CHRNA9: variants seen among roughly 807,000 people sequenced by gnomAD.
CHRNA9 encodes the protein neuronal acetylcholine receptor subunit alpha-9.
A neutral mutation model predicts 36.8 loss-of-function variants in CHRNA9; 24 were observed. The ratio of observed to expected loss-of-function variants is 0.65; its 90% confidence interval spans 0.47 to 0.92. The LOEUF (loss-of-function observed/expected upper bound fraction) is 0.92. CHRNA9 is among the 40% of genes least tolerant of loss of function. The pLI is 0.00. For missense variants in CHRNA9, 610 were observed against 601.2 expected, an observed-to-expected ratio of 1.01 and a Z score of -0.15; for synonymous variants, 231 against 231.8, an observed-to-expected ratio of 1.00 and a Z score of 0.03.
chr4:40,343,592 A>G (rs1373780034), intron 3 of CHRNA9, among the ~76,000 whole-genome samples: 2 of 152,236 alleles, frequency 1.3e-5, no homozygotes, highest in African/African-American at 4.8e-5. Flanking sequence ...GACACAGCCA[A>G]ACCATATCAC....
At chr4:40,341,852 C>T (rs565391105) in intron 3 of CHRNA9, among the ~76,000 whole-genome samples, 7 of 152,380 alleles carry the variant, frequency 4.6e-5, no homozygotes, top group Admixed American at 3.9e-4. Context: ...GATCCTCTCA[C>T]TTCAGTCTCC....
At chr4:40,345,280 G>A (rs978542374) in intron 3 of CHRNA9, among the ~76,000 whole-genome samples, 3 of 152,152 alleles carry the variant, frequency 2.0e-5, no homozygotes, top group African/African-American at 2.4e-5. Flanking sequence ...GGCTGGGCGC[G>A]GTGGCTTGTA....
At chr4:40,348,733 T>C (rs1712705061) in intron 3 of CHRNA9, 149 bp from the exon 4 acceptor site, 1 of 686,946 alleles carries the variant, frequency 1.5e-6, no homozygotes, top group Non-Finnish European at 2.4e-6. Context: ...CAAATTAGAG[T>C]TGATTCCAGA....
At position 40,347,762 on chromosome 4, in the gene CHRNA9, C is replaced by T. The variant is rs1712674586; in HGVS notation, c.366-1120C>T. On this transcript the variant is annotated intron_variant, in intron 3 of 4. Coordinates refer to ENST00000310169, the MANE Select transcript of CHRNA9 (RefSeq NM_017581.4). ...TTTATTAAGATTTCACCAGCTTTTC[C>T]ATGAATGTACTTTTTCTGTTCCAGG... 3 of 152,152 alleles carry T rather than the reference C, an allele frequency of 2.0e-5. No individual in the cohort carries two copies. In the South Asian group the frequency reaches 6.2e-4, roughly 31 times the overall value. The allele number at this position is 152,152 out of a possible 1,614,324, so 9.4% of individuals were successfully genotyped here. A position where few individuals can be genotyped will look rare whatever the true frequency, so the allele number is the denominator to read the frequency against.
At chr4:40,342,495 TTAG>T (rs1262650029) in intron 3 of CHRNA9, among the ~76,000 whole-genome samples, 1 of 151,956 alleles carries the variant, frequency 6.6e-6, no homozygotes, top group East Asian at 1.9e-4. Context: ...AAACTTAGAA[TTAG>T]TAGTTAAAGA....
rs755639071 is a variant in CHRNA9, at chr4:40,348,868, T to C, written c.366-14T>C. On this transcript the variant is annotated splice_polypyrimidine_tract_variant and intron_variant, in intron 3 of 4. Transcript: ENST00000310169. ...CCTAGCATGCGGCTTTCATTTTCCT[T>C]ATCTGACCTTCAGGGCTGATGATGA... The C allele has an allele frequency of 1.1e-5, 18 of 1,606,642 alleles. No homozygotes were observed. The highest frequency in any genetic ancestry group is 1.5e-5 in the Non-Finnish European group (18 of 1,173,836).
chr4:40,338,769 C>T (rs1712399751), intron 3 of CHRNA9, among the ~76,000 whole-genome samples: 1 of 152,040 alleles, frequency 6.6e-6, no homozygotes, highest in Non-Finnish European at 1.5e-5. Context: ...AGGAATATAA[C>T]AGGAAGATAA....
intron 4 of CHRNA9, among the ~76,000 whole-genome samples, chr4:40,352,829 A>G (rs1286296843): frequency 6.6e-6 from 1 of 152,212 alleles, no homozygotes; most frequent in Admixed American, 6.5e-5. Context: ...CTTACCTAAT[A>G]GAATTGGCTT....
In CHRNA9 at chr4:40,335,697, A is replaced by G. The variant is rs555695109; in HGVS notation, c.65-130A>G. 64 of 1,052,372 alleles carry G rather than the reference A, an allele frequency of 6.1e-5. No homozygotes were observed. The East Asian group carries it at 1.5e-3, about 25-fold the overall frequency. The allele number at this position is 1,052,372 out of a possible 1,614,324, so 65.2% of individuals were successfully genotyped here. Reference sequence around the variant, plus strand: ...GTAGGGCATGCCAGAAAAACAACTCATCCATCCACCCAAAGCTTGTCCCTC... The same window carrying G: ...GTAGGGCATGCCAGAAAAACAACTCGTCCATCCACCCAAAGCTTGTCCCTC... On this transcript the variant is annotated intron_variant, in intron 1 of 4. Coordinates refer to ENST00000310169, the MANE Select transcript of CHRNA9 (RefSeq NM_017581.4).
chr4:40,351,844 T>C (rs868295739), intron 4 of CHRNA9, among the ~76,000 whole-genome samples: 1 of 152,236 alleles, frequency 6.6e-6, no homozygotes, highest in Non-Finnish European at 1.5e-5. Context: ...TTATGATACA[T>C]TATCCTTTTA....
intron 2 of CHRNA9, 53 bp from the exon 3 acceptor site, chr4:40,337,157 G>C (rs1169830637): frequency 2.5e-6 from 4 of 1,569,438 alleles, no homozygotes; most frequent in Non-Finnish European, 3.5e-6. Context: ...CCTATCAGTG[G>C]AAAACATTTC....
chr4:40,352,761 A>G (rs542024103), intron 4 of CHRNA9, among the ~76,000 whole-genome samples: 1 of 152,096 alleles, frequency 6.6e-6, no homozygotes, highest in East Asian at 1.9e-4. Flanking sequence ...TCACTTTTTC[A>G]TCAACATGTG....
intron 2 of CHRNA9, among the ~76,000 whole-genome samples, chr4:40,336,252 G>A (rs959003170): frequency 9.2e-5 from 14 of 152,216 alleles, no homozygotes; most frequent in African/African-American, 3.4e-4. Flanking sequence ...ATGTCCAAAA[G>A]AGGTAAATCC....
intron 3 of CHRNA9, among the ~76,000 whole-genome samples, chr4:40,340,742 A>G (rs1314622403): frequency 6.6e-6 from 1 of 152,124 alleles, no homozygotes; most frequent in African/African-American, 2.4e-5. Flanking sequence ...GCCCAAATCC[A>G]TGGGGCTAGA....
chr4:40,347,808 T>A (rs1712676011), intron 3 of CHRNA9: 1 of 152,230 alleles, frequency 6.6e-6, no homozygotes, highest in Non-Finnish European at 1.5e-5. Context: ...GAATACCACA[T>A]TATATTTAGC....
At chr4:40,337,660 C>T (rs552815239) in intron 3 of CHRNA9, among the ~76,000 whole-genome samples, 2 of 152,162 alleles carry the variant, frequency 1.3e-5, no homozygotes, top group East Asian at 1.9e-4. Context: ...GATTAGATGA[C>T]TTAACAAAAA....
chr4:40,336,032 T>C, intron 2 of CHRNA9, 60 bp downstream of exon 2: 3 of 1,413,232 alleles, frequency 2.1e-6, no homozygotes, highest in Non-Finnish European at 3.0e-6. Flanking sequence ...CAACCATGCT[T>C]TCTGAAGAGA....
chr4:40,335,734 G>A (rs1712296730), intron 1 of CHRNA9, 93 bp from the exon 2 acceptor site: 1 of 1,304,846 alleles, frequency 7.7e-7, no homozygotes. Flanking sequence ...CCAGTGTTGG[G>A]CCATCCCCCA....
At chr4:40,342,919 C>T (rs1322538474) in intron 3 of CHRNA9, among the ~76,000 whole-genome samples, 1 of 151,684 alleles carries the variant, frequency 6.6e-6, no homozygotes, top group Non-Finnish European at 1.5e-5. Flanking sequence ...GGGAAGTTAG[C>T]CAGGAAGAGA....
Sources: allele counts gnomAD v4.1 joint callset (sites outside exome capture counted in the v4.1 genomes callset), GRCh38; gene constraint gnomAD v4.1.1; transcripts MANE v1.5; gene names NCBI Gene and HGNC (gene_info 2026-07-23, HGNC 2026-07-21).